GKAP1: variants seen among roughly 807,000 people sequenced by gnomAD.
The protein encoded by GKAP1 is G kinase-anchoring protein 1.
Under a neutral mutation model 56.7 loss-of-function variants are expected in GKAP1, and 31 were observed. That is an observed-to-expected ratio of 0.55 (90% CI 0.41 to 0.74). The LOEUF (loss-of-function observed/expected upper bound fraction) is 0.74. GKAP1 is among the 30% of genes least tolerant of loss of function. The pLI, the probability that GKAP1 is intolerant of heterozygous loss-of-function variation, is 0.00. For missense variants in GKAP1, 364 were observed against 402.3 expected (o/e 0.90, Z 0.82); for synonymous variants, 151 against 138.6 (o/e 1.09, Z -0.63).
At chr9:83,766,164 T>A (rs1429856955) in intron 8 of GKAP1, among the ~76,000 whole-genome samples, 1 of 152,168 alleles carries the variant, frequency 6.6e-6, no homozygotes, top group Non-Finnish European at 1.5e-5. Context: ...TAATGGTCTA[T>A]AAGGGGCTTC....
intron 10 of GKAP1, among the ~76,000 whole-genome samples, chr9:83,744,238 T>G (rs948231413): frequency 6.6e-6 from 1 of 152,204 alleles, no homozygotes; most frequent in Non-Finnish European, 1.5e-5. Context: ...CTATAATGCT[T>G]GTTTTGAAAA....
intron 8 of GKAP1, among the ~76,000 whole-genome samples, chr9:83,755,498 T>TA (rs1943459113): frequency 1.3e-5 from 2 of 152,144 alleles, no homozygotes; most frequent in African/African-American, 2.4e-5. Context: ...CATGGAATAA[T>TA]ACTGTTTTAC....
intron 2 of GKAP1, among the ~76,000 whole-genome samples, chr9:83,812,282 CATATATACGTAT>C (rs1057376123): frequency 4.1e-5 from 6 of 145,430 alleles, no homozygotes; most frequent in Admixed American, 6.9e-5. Flanking sequence ...TATATATACA[CATATATACGTAT>C]ATATATACGT....
rs1564199151 is a variant in GKAP1, at chr9:83,774,701, C to CTTTTTTTTTTTTTTTTTTTTTTTT, written c.585+5680_585+5681insAAAAAAAAAAAAAAAAAAAAAAAA. On this transcript the variant is annotated intron_variant, in intron 7 of 12. Coordinates refer to ENST00000376371, the MANE Select transcript of GKAP1 (RefSeq NM_025211.4). ...AGAAACTATCAATAAACAGAAACCCCCTTTTTTTTTTTTTTTTTTTTTTTT... is the reference window on the plus strand; with the variant it reads ...AGAAACTATCAATAAACAGAAACCCCTTTTTTTTTTTTTTTTTTTTTTTTCTTTTTTTTTTTTTTTTTTTTTTTT... Among the ~76,000 whole-genome samples the CTTTTTTTTTTTTTTTTTTTTTTTT allele has an allele frequency of 4.0e-5, 4 of 100,940 alleles. 2 individuals carry two copies. Among genetic ancestry groups the CTTTTTTTTTTTTTTTTTTTTTTTT allele is most frequent in the Non-Finnish European group, 4.1e-5 (2 of 49,356 alleles). 66.2% of individuals were successfully genotyped at this position (100,940 alleles called of 152,430 possible).
intron 8 of GKAP1, 99 bp downstream of exon 8, chr9:83,768,719 T>C: frequency 1.0e-6 from 1 of 998,978 alleles, no homozygotes; most frequent in Non-Finnish European, 1.5e-6. Flanking sequence ...ACTACTACTT[T>C]ATACAATCAT....
intron 4 of GKAP1, 76 bp downstream of exon 4, chr9:83,799,109 G>T: frequency 8.0e-7 from 1 of 1,246,626 alleles, no homozygotes; most frequent in African/African-American, 1.5e-5. Context: ...GTGGTGACGT[G>T]AATTCAGAGG....
intron 2 of GKAP1, among the ~76,000 whole-genome samples, chr9:83,808,745 A>G (rs1433799533): frequency 1.3e-5 from 2 of 152,220 alleles, no homozygotes; most frequent in African/African-American, 2.4e-5. Flanking sequence ...GTTCACAAAT[A>G]TTCACTGTCT....
rs573440415 is a variant in GKAP1 at position 83,759,455 on chromosome 9, A to T, written c.739-6096T>A. On this transcript the variant is annotated intron_variant, in intron 8 of 12. Coordinates refer to ENST00000376371, the MANE Select transcript of GKAP1 (RefSeq NM_025211.4). The stretch of plus-strand genomic sequence containing the variant: ...TTTTTTTTGCAGAGACAGGGTTATT[A>T]AAAAAAATTTATATGAATGTCATCA... Among the ~76,000 whole-genome samples the T allele has an allele frequency of 2.3e-3, 350 of 151,950 alleles. 1 individual carries two copies. Among genetic ancestry groups the T allele is most frequent in the Non-Finnish European group, 4.0e-3 (273 of 67,950 alleles).
At chr9:83,787,485 G>A (rs1251681157) in intron 5 of GKAP1, among the ~76,000 whole-genome samples, 2 of 152,096 alleles carry the variant, frequency 1.3e-5, no homozygotes, top group Admixed American at 6.6e-5. Flanking sequence ...CAATCCTCCT[G>A]TCTCAGCCTC....
At chr9:83,751,687 A>G (rs1355151338) in intron 9 of GKAP1, among the ~76,000 whole-genome samples, 4 of 152,108 alleles carry the variant, frequency 2.6e-5, no homozygotes, top group African/African-American at 7.2e-5. Context: ...CACTCAATAA[A>G]TAATTGTTGA....
At chr9:83,789,281 T>C (rs1944115708) in intron 4 of GKAP1, among the ~76,000 whole-genome samples, 1 of 152,210 alleles carries the variant, frequency 6.6e-6, no homozygotes, top group Non-Finnish European at 1.5e-5. Flanking sequence ...CACTAATCAA[T>C]CTCACCTAAC....
chr9:83,750,047 CACCAAACTCTATCTCTGGCT>C (rs1943362223), intron 9 of GKAP1, among the ~76,000 whole-genome samples: 1 of 152,182 alleles, frequency 6.6e-6, no homozygotes, highest in Non-Finnish European at 1.5e-5. Flanking sequence ...GTTAGTATTT[CACCAAACTCTATCTCTGGCT>C]CAAGCCTTTG....
intron 4 of GKAP1, among the ~76,000 whole-genome samples, chr9:83,798,662 C>CGCCT (rs1174488749): frequency 2.0e-5 from 3 of 152,028 alleles, no homozygotes; most frequent in Admixed American, 1.3e-4. Context: ...CACAAGTGTG[C>CGCCT]GCCTCCATGC....
intron 10 of GKAP1, among the ~76,000 whole-genome samples, chr9:83,746,388 C>T (rs186807597): frequency 6.6e-6 from 1 of 152,180 alleles, no homozygotes; most frequent in African/African-American, 2.4e-5. Context: ...TATGCATATC[C>T]TTCTATATGC....
chr9:83,792,913 G>A, intron 4 of GKAP1: 1 of 636,114 alleles, frequency 1.6e-6, no homozygotes, highest in Non-Finnish European at 2.1e-6. Flanking sequence ...GGAAATAGCA[G>A]GCACTAAAAT....
Position 83,779,502 on chromosome 9 carries a change from CAT to C in GKAP1, c.585+878_585+879del, listed in dbSNP as rs1266337172. Among the ~76,000 whole-genome samples, 67 of 118,022 alleles carry C rather than the reference CAT, an allele frequency of 5.7e-4. 4 individuals carry two copies. The highest frequency in any genetic ancestry group is 1.5e-3 in the African/African-American group (51 of 32,936). The allele number at this position is 118,022 out of a possible 152,430, so 77.4% of individuals were successfully genotyped here. On this transcript the variant is annotated intron_variant, in intron 7 of 12. Transcript: ENST00000376371. ...ATACATACATATATACACATATACA[CAT>C]ATATGTGTATATATATACACGTGTA...
chr9:83,750,806 C>A (rs1351593532), intron 9 of GKAP1, among the ~76,000 whole-genome samples: 1 of 151,986 alleles, frequency 6.6e-6, no homozygotes, highest in African/African-American at 2.4e-5. Flanking sequence ...TGTCACTTAC[C>A]TTCTAAAGAT....
chr9:83,777,499 A>T (rs1943883862), intron 7 of GKAP1, among the ~76,000 whole-genome samples: 1 of 152,224 alleles, frequency 6.6e-6, no homozygotes. Flanking sequence ...CACCTACTCT[A>T]GACAGAAGAA....
At chr9:83,804,702 G>T (rs949104936) in intron 3 of GKAP1, among the ~76,000 whole-genome samples, 1 of 144,364 alleles carries the variant, frequency 6.9e-6, no homozygotes, top group Non-Finnish European at 1.5e-5. Context: ...CCGGCCAGCC[G>T]CCCCGTACGG....
Sources: allele counts gnomAD v4.1 joint callset (sites outside exome capture counted in the v4.1 genomes callset), GRCh38; gene constraint gnomAD v4.1.1; transcripts MANE v1.5; gene names NCBI Gene and HGNC (gene_info 2026-07-23, HGNC 2026-07-21).